The following NUDCD3 variants were observed in gnomAD, a reference collection of about 807,000 sequenced individuals.
The protein encoded by NUDCD3 is NudC domain containing 3.
In NUDCD3, 13 loss-of-function variants were observed where a neutral mutation model predicts 39.7. The observed-to-expected ratio is 0.33, with a 90% CI of 0.21 to 0.52. The LOEUF (loss-of-function observed/expected upper bound fraction) is 0.52. Ranked by LOEUF, NUDCD3 falls within the 20% of genes least tolerant of loss-of-function variation. The pLI is 0.96. For missense variants in NUDCD3, 453 were observed against 458.1 expected (o/e 0.99, Z 0.10); for synonymous variants, 175 against 172.4 (o/e 1.02, Z -0.12).
chr7:44,409,351 C>T (rs1295530060), intron 3 of NUDCD3, among the ~76,000 whole-genome samples: 3 of 152,144 alleles, frequency 2.0e-5, no homozygotes, highest in Non-Finnish European at 4.4e-5. Context: ...TTAAGGAAAT[C>T]GCCATCTAAT....
chr7:44,447,193 T>C (rs1326595550), intron 2 of NUDCD3, among the ~76,000 whole-genome samples: 2 of 152,226 alleles, frequency 1.3e-5, no homozygotes, highest in Admixed American at 1.3e-4. Flanking sequence ...CAGCATGGGA[T>C]GGTCCGTGCA....
chr7:44,486,491 G>A (rs971025857), intron 1 of NUDCD3, among the ~76,000 whole-genome samples: 1 of 151,906 alleles, frequency 6.6e-6, no homozygotes. Flanking sequence ...ACACCAAACA[G>A]TGTGGGGAGA....
At chr7:44,396,974 A>AT (rs1192424309) in intron 4 of NUDCD3, among the ~76,000 whole-genome samples, 1 of 152,006 alleles carries the variant, frequency 6.6e-6, no homozygotes, top group Non-Finnish European at 1.5e-5. Context: ...TGAATATTTT[A>AT]TTTTTTTAAA....
intron 2 of NUDCD3, chr7:44,468,298 T>TTAC (rs1262005429): frequency 6.4e-7 from 1 of 1,556,500 alleles, no homozygotes; most frequent in East Asian, 2.3e-5. Flanking sequence ...GCGAAGAAAA[T>TTAC]GAGTAGACAG....
intron 4 of NUDCD3, among the ~76,000 whole-genome samples, chr7:44,396,893 G>C (rs778174476): frequency 3.3e-5 from 5 of 152,190 alleles, no homozygotes; most frequent in Non-Finnish European, 5.9e-5. Flanking sequence ...GGAGTTCAAA[G>C]ACCTCTATCT....
chr7:44,468,554 G>A (rs1048127628), intron 2 of NUDCD3, among the ~76,000 whole-genome samples: 1 of 152,094 alleles, frequency 6.6e-6, no homozygotes, highest in Non-Finnish European at 1.5e-5. Flanking sequence ...AAAGATAAAT[G>A]TAACAGTTTC....
chr7:44,436,872 G>A (rs192502318), intron 2 of NUDCD3, among the ~76,000 whole-genome samples: 239 of 152,164 alleles, frequency 1.6e-3, no homozygotes, highest in Non-Finnish European at 2.9e-3. Flanking sequence ...CTTTAAAGAC[G>A]TCTATCTGGT....
intron 2 of NUDCD3, among the ~76,000 whole-genome samples, chr7:44,461,892 A>G (rs1187053750): frequency 1.3e-5 from 2 of 152,120 alleles, no homozygotes; most frequent in Non-Finnish European, 2.9e-5. Flanking sequence ...GAAGGCAAGG[A>G]GGTGGACCGT....
intron 2 of NUDCD3, among the ~76,000 whole-genome samples, chr7:44,458,039 T>C (rs1026198641): frequency 2.0e-5 from 3 of 152,228 alleles, no homozygotes; most frequent in Non-Finnish European, 2.9e-5. Context: ...CAAATGTTCA[T>C]AGCACTATTC....
chr7:44,453,076 G>A (rs1047035428), intron 2 of NUDCD3, among the ~76,000 whole-genome samples: 16 of 152,216 alleles, frequency 1.1e-4, no homozygotes, highest in African/African-American at 3.6e-4. Context: ...ATGTTGGCCG[G>A]GTGCGGTGGC....
chr7:44,456,515 T>C (rs1360836294), intron 2 of NUDCD3, among the ~76,000 whole-genome samples: 1 of 152,092 alleles, frequency 6.6e-6, no homozygotes, highest in Non-Finnish European at 1.5e-5. Flanking sequence ...ACATCTATAA[T>C]CTGAACACTT....
At chr7:44,488,932 C>T (rs1800674858) in intron 1 of NUDCD3, among the ~76,000 whole-genome samples, 1 of 152,084 alleles carries the variant, frequency 6.6e-6, no homozygotes, top group Non-Finnish European at 1.5e-5. Context: ...AGATAACGAC[C>T]CCAGAATATA....
chr7:44,388,050 T>C (rs973256557), intron 5 of NUDCD3, among the ~76,000 whole-genome samples: 1 of 152,242 alleles, frequency 6.6e-6, no homozygotes, highest in Non-Finnish European at 1.5e-5. Flanking sequence ...TTTAAATTTG[T>C]TGACTTTGGA....
At chr7:44,440,177 C>T (rs1270724388) in intron 2 of NUDCD3, among the ~76,000 whole-genome samples, 2 of 152,158 alleles carry the variant, frequency 1.3e-5, no homozygotes, top group East Asian at 1.9e-4. Context: ...TCCAAGCAAA[C>T]GTCACAGTAA....
At chr7:44,440,953 C>T (rs142104523) in intron 2 of NUDCD3, among the ~76,000 whole-genome samples, 2 of 152,260 alleles carry the variant, frequency 1.3e-5, no homozygotes, top group Non-Finnish European at 2.9e-5. Flanking sequence ...GGTTTAGCAC[C>T]CATTTTCAAC....
rs1585042662 is a variant in NUDCD3, at chr7:44,379,805, T to C, written c.*6206A>G. 1 of 152,082 alleles carries C rather than the reference T, an allele frequency of 6.6e-6. No individual in the cohort carries two copies. Among genetic ancestry groups the C allele is most frequent in the South Asian group, 2.1e-4 (1 of 4,822 alleles). The allele number at this position is 152,082 out of a possible 1,614,324, so 9.4% of individuals were successfully genotyped here. A position where few individuals can be genotyped will look rare whatever the true frequency, so the allele number is the denominator to read the frequency against. ...GACCTGGCTGTGGCCCCTTGAATGG[T>C]GGCAGGGAGACCACAGCACATCGCA... is the stretch of plus-strand genomic sequence containing the variant. On this transcript the variant is annotated 3_prime_UTR_variant, in exon 6 of 6. Transcript: ENST00000355451.
At chr7:44,427,842 C>A (rs971589583) in intron 2 of NUDCD3, 139 bp from the exon 3 acceptor site, 12 of 776,702 alleles carry the variant, frequency 1.5e-5, no homozygotes, top group African/African-American at 7.0e-5. Flanking sequence ...GCTCTGGCAT[C>A]TGCAAACTCC....
chr7:44,399,421 T>C (rs1246628881), intron 4 of NUDCD3, among the ~76,000 whole-genome samples: 2 of 152,212 alleles, frequency 1.3e-5, no homozygotes, highest in African/African-American at 4.8e-5. Flanking sequence ...AATGCTAAGG[T>C]AATTTAATCT....
chr7:44,435,815 C>T lies in NUDCD3; in HGVS notation c.510-8112G>A, dbSNP rs145214684. On this transcript the variant is annotated intron_variant, in intron 2 of 5. Transcript: ENST00000355451. ...ACATGCCATGTACCTCCTGAGAGGGCCTGCCTATTGGGTACCCCTGCCCCC... is the reference window on the plus strand; with the variant it reads ...ACATGCCATGTACCTCCTGAGAGGGTCTGCCTATTGGGTACCCCTGCCCCC... Among the ~76,000 whole-genome samples the T allele has an allele frequency of 5.9e-5, 9 of 152,304 alleles. No homozygotes were observed. The East Asian group carries it at 9.6e-4, about 16-fold the overall frequency.
Sources: gnomAD v4.1 joint callset for allele counts (sites outside exome capture counted in the v4.1 genomes callset) on GRCh38, gnomAD v4.1.1 for gene constraint, MANE v1.5 for transcripts, NCBI Gene and HGNC (gene_info 2026-07-23, HGNC 2026-07-21) for gene names.